Variants in NAV2 observed in about 807,000 individuals in gnomAD.
The protein encoded by NAV2 is neuron navigator 2.
Under a neutral mutation model 223.2 loss-of-function variants are expected in NAV2, and 54 were observed. That is an observed-to-expected ratio of 0.24 (90% CI 0.19 to 0.30). The LOEUF is 0.30. Ranked by LOEUF, NAV2 falls within the 10% of genes least tolerant of loss-of-function variation. The pLI is 1.00. For synonymous variants in NAV2, 1,279 were observed against 1,239.3 expected (o/e 1.03, Z -0.67); for missense variants, 2,806 against 3,147.5 (o/e 0.89, Z 2.60).
chr11:20,004,937 C>G (rs980185299), intron 11 of NAV2, among the ~76,000 whole-genome samples: 2 of 152,064 alleles, frequency 1.3e-5, no homozygotes, highest in African/African-American at 4.8e-5. Flanking sequence ...CAGTGAATGA[C>G]TTGGAGTAAA....
At position 19,933,663 on chromosome 11, in the gene NAV2, G is replaced by T; in HGVS notation, c.1419G>T (p.Arg473=). 6.2e-7 allele frequency: 1 copy of T among 1,614,194 alleles called. No homozygotes were observed. Among genetic ancestry groups the T allele is most frequent in the Non-Finnish European group, 8.5e-7 (1 of 1,180,034 alleles). ...LKGIAQRTFS[R]ALTNKKSSLK... The stretch of plus-strand genomic sequence containing the variant: ...GCATTGCCCAGAGGACTTTTAGCCG[G>T]GCACTGACCAACAAGAAGAGTTCTC... Residue 473 remains arginine, a synonymous_variant, in exon 7 of 38, where the codon CGG becomes CGT. Transcript: ENST00000349880. This position sits in a 1 kb window ranked among gnomAD's most constrained non-coding sequence, Gnocchi z 4.3.
rs781342091 is a variant in NAV2, at chr11:19,946,426, G to A, written c.2172G>A (p.Leu724=). 6.2e-7 allele frequency: 1 copy of A among 1,613,266 alleles called. No homozygotes were observed. The highest frequency in any genetic ancestry group is 1.1e-5 in the South Asian group (1 of 90,784). The change falls in exon 9 of 38, where the codon CTG becomes CTA. Residue 724 remains leucine, a synonymous_variant. Transcript: ENST00000349880. ...LTGEDPEARR[L]RTVKNIADLR... is the part of the protein sequence containing the mutation. ...GGGAAGATCCTGAGGCTCGGCGGCT[G>A]CGGACAGTGAAGAACATCGCTGATC...
At chr11:19,570,187 G>A (rs903350625) in intron 1 of NAV2, among the ~76,000 whole-genome samples, 4 of 152,206 alleles carry the variant, frequency 2.6e-5, no homozygotes, top group Admixed American at 1.3e-4. Context: ...CTCCGGAGCT[G>A]AAGACACAGA....
At chr11:19,613,517 C>T (rs1174763221) in intron 1 of NAV2, among the ~76,000 whole-genome samples, 1 of 152,208 alleles carries the variant, frequency 6.6e-6, no homozygotes, top group Admixed American at 6.5e-5. Flanking sequence ...AAGCAGCCAT[C>T]TCATGCCCTA....
At chr11:19,959,690 G>A (rs11025343) in intron 10 of NAV2, among the ~76,000 whole-genome samples, 2 of 152,054 alleles carry the variant, frequency 1.3e-5, no homozygotes, top group East Asian at 1.9e-4. Flanking sequence ...GCTCTTCCCC[G>A]CATGACTCCT....
chr11:19,805,968 C>T (rs1485983276), intron 1 of NAV2, among the ~76,000 whole-genome samples: 2 of 152,190 alleles, frequency 1.3e-5, no homozygotes, highest in Non-Finnish European at 2.9e-5. Flanking sequence ...CCATGCGTGT[C>T]TGATTTCTGA....
At chr11:19,349,622 A>G (rs1303954159), upstream of NAV2, among the ~76,000 whole-genome samples, 1 of 152,094 alleles carries the variant, frequency 6.6e-6, no homozygotes, top group Non-Finnish European at 1.5e-5. Flanking sequence ...TTTAGTAAAG[A>G]GCTCCCCAGC....
At chr11:19,403,972 C>G (rs10219345) in intron 1 of NAV2, among the ~76,000 whole-genome samples, 124,335 of 151,750 alleles carry the variant, frequency 0.82, 51,693 homozygotes, top group Non-Finnish European at 0.9. Context: ...AAACAGTCGT[C>G]TGCAAAGGCC....
At chr11:20,073,570 T>G (rs777848918) in intron 22 of NAV2, among the ~76,000 whole-genome samples, 1 of 152,162 alleles carries the variant, frequency 6.6e-6, no homozygotes, top group Non-Finnish European at 1.5e-5. Flanking sequence ...AGTTCTGGAC[T>G]TTTTTTGGTT....
At chr11:19,948,571 G>A in intron 9 of NAV2, 120 bp from the exon 10 acceptor site, 2 of 1,091,752 alleles carry the variant, frequency 1.8e-6, no homozygotes, top group South Asian at 2.2e-5. Flanking sequence ...CATGGGGGCT[G>A]GCTGTTTTAT....
chr11:20,005,339 G>A (rs940591960), intron 11 of NAV2, among the ~76,000 whole-genome samples: 2 of 150,412 alleles, frequency 1.3e-5, no homozygotes, highest in Non-Finnish European at 2.9e-5. Context: ...TCTGCTTCCC[G>A]GGTTCAAGCA....
At chr11:19,624,561 G>A (rs1447404195) in intron 1 of NAV2, among the ~76,000 whole-genome samples, 2 of 152,330 alleles carry the variant, frequency 1.3e-5, no homozygotes, top group East Asian at 1.9e-4. Context: ...AGCCAGGAGT[G>A]GGATATAATC....
At chr11:19,603,303 T>C (rs1183710395) in intron 1 of NAV2, among the ~76,000 whole-genome samples, 1 of 152,176 alleles carries the variant, frequency 6.6e-6, no homozygotes, top group South Asian at 2.1e-4. Context: ...ACACCCACTA[T>C]GTGCCAGGCA....
chr11:20,118,177 C>T lies in NAV2; in HGVS notation c.7209C>T (p.Ser2403=), dbSNP rs199689475. The part of the protein sequence containing the change: ...MRLQEAANYS[S]PQSYDSDSNS... ...TGCAGGAGGCAGCCAACTACTCCAG[C>T]CCCCAGAGCTATGACAGCGACTCCA... is the stretch of plus-strand genomic sequence containing the variant. The change falls in exon 38 of 38, where the codon AGC becomes AGT. Residue 2403 remains serine, a synonymous_variant. Coordinates refer to ENST00000349880, the MANE Select transcript of NAV2 (RefSeq NM_145117.5). The T allele has an allele frequency of 2.5e-6, 4 of 1,614,028 alleles. No individual in the cohort carries two copies. Among genetic ancestry groups the T allele is most frequent in the East Asian group, 4.5e-5 (2 of 44,864 alleles).
intron 8 of NAV2, among the ~76,000 whole-genome samples, chr11:19,944,752 T>C (rs2046734944): frequency 6.8e-6 from 1 of 147,964 alleles, no homozygotes; most frequent in Non-Finnish European, 1.5e-5. Context: ...CTCCCTTCCC[T>C]TTCTTTCCTT....
chr11:19,760,089 G>C (rs1238233205), intron 1 of NAV2: 3 of 152,640 alleles, frequency 2.0e-5, no homozygotes, highest in Non-Finnish European at 4.4e-5. Context: ...ATTTGAAAAA[G>C]AAAAATACTC....
chr11:19,634,165 C>T (rs1464058927), intron 1 of NAV2, among the ~76,000 whole-genome samples: 1 of 152,196 alleles, frequency 6.6e-6, no homozygotes, highest in Non-Finnish European at 1.5e-5. Context: ...CTGCACTGGG[C>T]CTGGGCCTTG....
At chr11:19,525,810 G>A (rs760824624) in intron 1 of NAV2, among the ~76,000 whole-genome samples, 5 of 152,108 alleles carry the variant, frequency 3.3e-5, no homozygotes. Context: ...CTTCCTTTGA[G>A]GAAGTTTAAC....
chr11:19,524,995 G>A (rs1384285693), intron 1 of NAV2, among the ~76,000 whole-genome samples: 14 of 152,104 alleles, frequency 9.2e-5, no homozygotes, highest in Admixed American at 6.5e-5. Context: ...TGTTAATCCC[G>A]GGTTTGAAAT....
Sources: gnomAD v4.1 joint callset for allele counts (sites outside exome capture counted in the v4.1 genomes callset) on GRCh38, gnomAD v4.1.1 for gene constraint, Gnocchi (gnomAD v3.1) non-coding constraint, MANE v1.5 for transcripts, NCBI Gene and HGNC (gene_info 2026-07-23, HGNC 2026-07-21) for gene names.